PIK3R1: variants seen among roughly 807,000 people sequenced by gnomAD.
PIK3R1 encodes phosphoinositide-3-kinase regulatory subunit 1.
Under a neutral mutation model 98.0 loss-of-function variants are expected in PIK3R1, and 29 were observed. That is an observed-to-expected ratio of 0.30 (90% CI 0.22 to 0.40). The LOEUF (loss-of-function observed/expected upper bound fraction) is 0.40. Among genes scored for constraint, PIK3R1 ranks in the 10% least tolerant of loss-of-function variants. The pLI is 1.00. For missense variants in PIK3R1, 596 were observed against 872.7 expected (o/e 0.68, Z 3.99); for synonymous variants, 282 against 311.8 (o/e 0.90, Z 1.01).
intron 2 of PIK3R1, among the ~76,000 whole-genome samples, chr5:68,262,542 A>ATATC (rs1554047827): frequency 1.0e-3 from 67 of 67,058 alleles, no homozygotes; most frequent in African/African-American, 3.9e-3. Context: ...ATATAGATAC[A>ATATC]TATCTAATGT....
chr5:68,226,684 T>C lies in PIK3R1; in HGVS notation c.9T>C (p.Ala3=), dbSNP rs1447146494. 14 of 1,612,464 alleles carry C rather than the reference T, an allele frequency of 8.7e-6. No homozygotes were observed. Among genetic ancestry groups the C allele is most frequent in the East Asian group, 2.2e-5 (1 of 44,876 alleles). The change falls in exon 2 of 16, where the codon GCT becomes GCC. Residue 3 remains alanine, a synonymous_variant. Transcript: ENST00000521381. The part of the protein sequence containing the change: MS[A]EGYQYRALYD... The stretch of plus-strand genomic sequence containing the variant: ...GTAGCAGATTTGCAAACATGAGTGC[T>C]GAGGGGTACCAGTACAGAGCGCTGT...
At position 68,280,981 on chromosome 5, in the gene PIK3R1, A is replaced by G; in HGVS notation, c.891A>G (p.Glu297=). 6.2e-7 allele frequency: 1 copy of G among 1,606,752 alleles called. No individual in the cohort carries two copies. The highest frequency in any genetic ancestry group is 8.5e-7 in the Non-Finnish European group (1 of 1,175,596). Residue 297 remains glutamate, a synonymous_variant, in exon 7 of 16, where the codon GAA becomes GAG. Transcript: ENST00000521381. ...IKVIEILIST[E]WNERQPAPAL... is the part of the protein sequence containing the mutation. ...TTATAGAAATTTTAATCTCAACTGA[A>G]TGGAATGAACGACAGCCTGCACCAG...
chr5:68,280,794 G>T (rs1004109572), intron 6 of PIK3R1, 65 bp downstream of exon 6: 4 of 1,420,996 alleles, frequency 2.8e-6, no homozygotes, highest in Non-Finnish European at 4.0e-6. Context: ...GATTGGTCAT[G>T]AAAATGTATT....
In PIK3R1 at chr5:68,301,342, C is replaced by CTA. The variant is rs531318827; in HGVS notation, c.*3765_*3766dup. 7,126 of 52,696 alleles carry CTA rather than the reference C, an allele frequency of 0.14. 872 individuals carry two copies. Among genetic ancestry groups the CTA allele is most frequent in the Middle Eastern group, 0.27 (25 of 94 alleles). The allele number at this position is 52,696 out of a possible 1,614,324, so 3.3% of individuals were successfully genotyped here. ...ATAGCATTAGCTGCCCAGGATGCTG[C>CTA]TATATATATATATATATATATATAT... On this transcript the variant is annotated 3_prime_UTR_variant, in exon 16 of 16. Transcript: ENST00000521381.
chr5:68,263,183 A>G (rs1410872051), intron 2 of PIK3R1, among the ~76,000 whole-genome samples: 1 of 140,986 alleles, frequency 7.1e-6, no homozygotes, highest in Non-Finnish European at 1.5e-5. Flanking sequence ...ATCTATATAT[A>G]CATATATCTA....
intron 2 of PIK3R1, among the ~76,000 whole-genome samples, chr5:68,248,488 C>T (rs928902538): frequency 6.6e-6 from 1 of 152,160 alleles, no homozygotes; most frequent in Non-Finnish European, 1.5e-5. Flanking sequence ...GATTAGTAAT[C>T]TATTTGTGAT....
intron 2 of PIK3R1, among the ~76,000 whole-genome samples, chr5:68,262,328 T>C (rs550513774): frequency 6.6e-6 from 1 of 150,656 alleles, no homozygotes; most frequent in African/African-American, 2.4e-5. Flanking sequence ...TCTCTGTATC[T>C]GTTGGCTTAT....
intron 2 of PIK3R1, among the ~76,000 whole-genome samples, chr5:68,242,854 G>A (rs1744921439): frequency 6.6e-6 from 1 of 152,154 alleles, no homozygotes. Flanking sequence ...TAGTCAAGTT[G>A]GCCAGAGAAG....
At chr5:68,253,429 T>C (rs1256613626) in intron 2 of PIK3R1, among the ~76,000 whole-genome samples, 2 of 152,196 alleles carry the variant, frequency 1.3e-5, no homozygotes, top group African/African-American at 4.8e-5. Flanking sequence ...ACAAATATTC[T>C]TGGGAAGAAA....
intron 2 of PIK3R1, among the ~76,000 whole-genome samples, chr5:68,247,799 C>G (rs1211094808): frequency 2.6e-5 from 4 of 152,196 alleles, no homozygotes; most frequent in Admixed American, 1.3e-4. Context: ...TATTTCCTGC[C>G]CAACGGGACA....
chr5:68,219,952 T>TA (rs1382389700), intron 1 of PIK3R1, among the ~76,000 whole-genome samples: 1 of 152,202 alleles, frequency 6.6e-6, no homozygotes, highest in African/African-American at 2.4e-5. Context: ...TTGTTGTACT[T>TA]AGAGTGATTG....
chr5:68,245,856 A>C (rs905067227), intron 2 of PIK3R1, among the ~76,000 whole-genome samples: 21 of 152,346 alleles, frequency 1.4e-4, no homozygotes, highest in Non-Finnish European at 2.5e-4. Context: ...ACTCTTCTTC[A>C]CCTTTTTTGA....
At chr5:68,292,645 A>G (rs1177882686) in intron 8 of PIK3R1, 7 of 1,364,300 alleles carry the variant, frequency 5.1e-6, no homozygotes, top group Middle Eastern at 2.3e-4. Context: ...CACTCTATCT[A>G]TTAAGCACAA....
At chr5:68,247,426 G>C (rs1745141379) in intron 2 of PIK3R1, among the ~76,000 whole-genome samples, 1 of 152,100 alleles carries the variant, frequency 6.6e-6, no homozygotes. Context: ...AGCCTCCTGA[G>C]TAGCTGGGAC....
At position 68,262,665 on chromosome 5, in the gene PIK3R1, A is replaced by G. The variant is rs1304871165; in HGVS notation, c.335-10725A>G. Among the ~76,000 whole-genome samples the G allele has an allele frequency of 1.5e-4, 19 of 130,448 alleles. 3 individuals are homozygous for G. The highest frequency in any genetic ancestry group is 4.5e-4 in the African/African-American group (14 of 30,818). The allele number at this position is 130,448 out of a possible 152,430, so 85.6% of individuals were successfully genotyped here. On this transcript the variant is annotated intron_variant, in intron 2 of 15. Transcript: ENST00000521381. Reference sequence around the variant, plus strand: ...TATACACATGTATCTGCATGTATACACATGTAGATACATGTATCTGCATGT... The same window carrying G: ...TATACACATGTATCTGCATGTATACGCATGTAGATACATGTATCTGCATGT...
chr5:68,226,203 T>C (rs960446346), intron 1 of PIK3R1, 87 bp from the exon 2 acceptor site: 9 of 385,320 alleles, frequency 2.3e-5, no homozygotes, highest in Non-Finnish European at 3.2e-5. Flanking sequence ...ATCGATTAAG[T>C]ACTTGTTGAA....
chr5:68,288,306 C>T, intron 7 of PIK3R1: 5 of 606,700 alleles, frequency 8.2e-6, no homozygotes, highest in Non-Finnish European at 1.1e-5. Context: ...GCTCCCCTCC[C>T]CCTCCCGAAA....
rs183570905 is a variant in PIK3R1, at chr5:68,266,929, C to T, written c.335-6461C>T. Among the ~76,000 whole-genome samples, 5 of 152,288 alleles carry T rather than the reference C, an allele frequency of 3.3e-5. 1 individual carries two copies. Among genetic ancestry groups the T allele is most frequent in the Admixed American group, 2.0e-4 (3 of 15,294 alleles). ...TTCATTCAGCAAACAGCCTACCGCCCACTGTGTGTCATGGCCTGTGATTTG... is the reference window on the plus strand; with the variant it reads ...TTCATTCAGCAAACAGCCTACCGCCTACTGTGTGTCATGGCCTGTGATTTG... On this transcript the variant is annotated intron_variant, in intron 2 of 15. Coordinates refer to ENST00000521381, the MANE Select transcript of PIK3R1 (RefSeq NM_181523.3).
At chr5:68,296,393 C>A in intron 15 of PIK3R1, 52 bp downstream of exon 15, 1 of 1,482,546 alleles carries the variant, frequency 6.7e-7, no homozygotes, top group Non-Finnish European at 9.2e-7. Flanking sequence ...AGAGATGTTT[C>A]ATTTATTCAT....
Sources: gnomAD v4.1 joint callset for allele counts (sites outside exome capture counted in the v4.1 genomes callset) on GRCh38, gnomAD v4.1.1 for gene constraint, MANE v1.5 for transcripts, NCBI Gene and HGNC (gene_info 2026-07-23, HGNC 2026-07-21) for gene names.